Variants in KCNQ4 observed in about 807,000 individuals in gnomAD.
KCNQ4 encodes potassium voltage-gated channel subfamily KQT member 4.
In KCNQ4, 31 loss-of-function variants were observed where a neutral mutation model predicts 72.6. The observed-to-expected ratio is 0.43, with a 90% confidence interval of 0.32 to 0.58. KCNQ4 has a LOEUF of 0.58. Among genes scored for constraint, KCNQ4 ranks in the 20% least tolerant of loss-of-function variants. The probability of loss-of-function intolerance (pLI) is 0.08; values close to 1 mark genes in which losing one functional copy is unlikely to be tolerated. For synonymous variants in KCNQ4, 405 were observed against 403.7 expected (o/e 1.00, Z -0.04); for missense variants, 869 against 962.6 (o/e 0.90, Z 1.29).
chr1:40,834,263 A>G (rs1648744734), intron 11 of KCNQ4, among the ~76,000 whole-genome samples: 1 of 152,070 alleles, frequency 6.6e-6, no homozygotes, highest in South Asian at 2.1e-4. Flanking sequence ...TGGCACCACC[A>G]TCCACTTGGT....
chr1:40,790,020 G>T (rs1412439595), intron 1 of KCNQ4, among the ~76,000 whole-genome samples: 1 of 152,230 alleles, frequency 6.6e-6, no homozygotes, highest in Non-Finnish European at 1.5e-5. Flanking sequence ...TTTGCCCTGG[G>T]GGAAGCTCCT....
rs1371296507 is a variant in KCNQ4 at position 40,831,265 on chromosome 1, C to T, written c.1474C>T (p.Arg492Trp). The change falls in exon 10 of 14, where the codon CGG becomes TGG. Residue 492 changes from arginine (R) to tryptophan (W), a missense_variant. This residue lies in a region of KCNQ4 where 480 missense variants were observed against 501.9 expected (regional missense o/e 0.96). Coordinates refer to ENST00000347132, the MANE Select transcript of KCNQ4 (RefSeq NM_004700.4). ...GAGCTTCAATGACCGCACCCGCTTCCGGGCATCTCTGAGACTCAAACCCCG... is the reference window on the plus strand; with the variant it reads ...GAGCTTCAATGACCGCACCCGCTTCTGGGCATCTCTGAGACTCAAACCCCG... ...SWSFNDRTRF[R>W]ASLRLKPRTS... 6.2e-6 allele frequency: 10 copies of T among 1,606,526 alleles called. No individual in the cohort carries two copies. Among genetic ancestry groups the T allele is most frequent in the Admixed American group, 1.7e-5 (1 of 58,930 alleles).
chr1:40,785,236 C>T (rs1290513252), intron 1 of KCNQ4, among the ~76,000 whole-genome samples: 1 of 152,238 alleles, frequency 6.6e-6, no homozygotes, highest in Non-Finnish European at 1.5e-5. Context: ...AACACTGACC[C>T]CTCTTGGGTG....
chr1:40,823,061 C>T lies in KCNQ4; in HGVS notation c.1130+659C>T, dbSNP rs553462430. On this transcript the variant is annotated intron_variant, in intron 8 of 13. Coordinates refer to ENST00000347132, the MANE Select transcript of KCNQ4 (RefSeq NM_004700.4). ...AGCCCAGCTCGGTCCCACGGGCAGG[C>T]GGGCATCAAGCTTGTGGCTGGGGCA... 3.9e-5 allele frequency among the ~76,000 whole-genome samples: 6 copies of T among 152,356 alleles called. No individual in the cohort carries two copies. The South Asian group carries it at 8.3e-4, about 21-fold the overall frequency.
chr1:40,815,576 GT>G (rs1353380348), intron 1 of KCNQ4, among the ~76,000 whole-genome samples: 1 of 152,154 alleles, frequency 6.6e-6, no homozygotes. Context: ...CGTACCCCGT[GT>G]TTTTGCTGAC....
chr1:40,797,349 A>G (rs1049372387), intron 1 of KCNQ4, among the ~76,000 whole-genome samples: 2 of 152,264 alleles, frequency 1.3e-5, no homozygotes, highest in Non-Finnish European at 2.9e-5. Flanking sequence ...AGCAAGGAAC[A>G]GTGTTTCAGG....
At chr1:40,786,828 G>A (rs1034891619) in intron 1 of KCNQ4, among the ~76,000 whole-genome samples, 2 of 152,182 alleles carry the variant, frequency 1.3e-5, no homozygotes, top group African/African-American at 4.8e-5. Flanking sequence ...GGCTGGAGGA[G>A]GGGGCCCACA....
intron 1 of KCNQ4, among the ~76,000 whole-genome samples, chr1:40,809,471 A>T (rs1036759490): frequency 3.3e-5 from 5 of 152,112 alleles, no homozygotes; most frequent in Admixed American, 3.3e-4. Flanking sequence ...CCCCCGTCCC[A>T]TGAAGGCACT....
Position 40,838,425 on chromosome 1 carries a change from A to ATC in KCNQ4, c.1991_1992dup (p.Thr665SerfsTer77), listed in dbSNP as rs765842914. The ATC allele has an allele frequency of 2.5e-6, 4 of 1,614,104 alleles. No individual in the cohort carries two copies. Among genetic ancestry groups the ATC allele is most frequent in the Non-Finnish European group, 3.4e-6 (4 of 1,179,970 alleles). On this transcript the variant is annotated frameshift_variant, in exon 14 of 14. Transcript: ENST00000347132. LOFTEE classifies it high-confidence loss of function. Reference sequence around the variant, plus strand: ...GCAAGTGCCGCTGTTCGACCCCGACATCACCTCCGACTACCACAGCCCTGT... The same window carrying ATC: ...GCAAGTGCCGCTGTTCGACCCCGACATCTCACCTCCGACTACCACAGCCCTGT...
chr1:40,817,278 T>G lies in KCNQ4; in HGVS notation c.328T>G (p.Phe110Val), dbSNP rs748054545. ...TTGTAATTGCAGATTTTTGCTGGTC[T>G]TCAGCTGCCTGGTGCTGTCTGTGCT... is the stretch of plus-strand genomic sequence containing the variant. ...VYHVFIFLLV[F>V]SCLVLSVLST... Residue 110 changes from phenylalanine (F) to valine (V), a missense_variant, in exon 2 of 14, where the codon TTC (phenylalanine) becomes GTC (valine). Around this residue, in one of 5 missense-constraint regions of KCNQ4, gnomAD observed 178 missense variants for 145.3 expected, o/e 1.22. Transcript: ENST00000347132. This position sits in a 1 kb window ranked among gnomAD's most constrained non-coding sequence, Gnocchi z 5.5. The G allele has an allele frequency of 2.5e-6, 4 of 1,613,776 alleles. No individual in the cohort carries two copies. The highest frequency in any genetic ancestry group is 3.4e-6 in the Non-Finnish European group (4 of 1,179,834).
chr1:40,835,295 A>G lies in KCNQ4; in HGVS notation c.1745+197A>G, dbSNP rs144596114. On this transcript the variant is annotated intron_variant, in intron 12 of 13. Transcript: ENST00000347132. ...CGTCCCAAGGCTGAGAAACAACCCA[A>G]CCATAGTTTCTCTGTGAGGTGGGTC... Among the ~76,000 whole-genome samples the G allele has an allele frequency of 2.3e-3, 346 of 152,280 alleles. 1 individual carries two copies. Among genetic ancestry groups the G allele is most frequent in the Non-Finnish European group, 3.4e-3 (229 of 68,030 alleles).
chr1:40,838,585 T>C lies in KCNQ4; in HGVS notation c.*62T>C. The C allele has an allele frequency of 6.8e-7, 1 of 1,461,548 alleles. No homozygotes were observed. The highest frequency in any genetic ancestry group is 1.7e-5 in the Admixed American group (1 of 59,532). 90.5% of individuals were successfully genotyped at this position (1,461,548 alleles called of 1,614,324 possible). ...CCGCGGCCTGGCGCTCCGACTGCCC[T>C]CTGAGGCCTCCGGACTCCTCTCGTA... On this transcript the variant is annotated 3_prime_UTR_variant, in exon 14 of 14. Coordinates refer to ENST00000347132, the MANE Select transcript of KCNQ4 (RefSeq NM_004700.4).
At chr1:40,833,293 C>T (rs1648711328) in intron 11 of KCNQ4, among the ~76,000 whole-genome samples, 180 bp downstream of exon 11, 1 of 152,090 alleles carries the variant, frequency 6.6e-6, no homozygotes, top group Non-Finnish European at 1.5e-5. Context: ...GCCTGTAATC[C>T]CAGCTACTTG....
chr1:40,809,754 G>A (rs941946439), intron 1 of KCNQ4, among the ~76,000 whole-genome samples: 1 of 152,158 alleles, frequency 6.6e-6, no homozygotes, highest in Admixed American at 6.5e-5. Context: ...ATTGGACTGT[G>A]TCATTTCCTC....
In KCNQ4 at chr1:40,817,240, C is replaced by A; in HGVS notation, c.315-25C>A. 6.3e-7 allele frequency: 1 copy of A among 1,591,116 alleles called. No individual in the cohort carries two copies. Among genetic ancestry groups the A allele is most frequent in the Non-Finnish European group, 8.6e-7 (1 of 1,160,204 alleles). ...TGTCCTGTCCCTCCAACAATCTAACCCTCTCCCTCATGTTGTAATTGCAGA... is the reference window on the plus strand; with the variant it reads ...TGTCCTGTCCCTCCAACAATCTAACACTCTCCCTCATGTTGTAATTGCAGA... On this transcript the variant is annotated intron_variant, in intron 1 of 13. Transcript: ENST00000347132. The surrounding 1 kb of genome is among the most constrained non-coding windows in gnomAD (Gnocchi z 5.5).
chr1:40,789,629 G>A (rs551653226), intron 1 of KCNQ4, among the ~76,000 whole-genome samples: 1 of 152,038 alleles, frequency 6.6e-6, no homozygotes, highest in South Asian at 2.1e-4. Context: ...TCTCACTGAC[G>A]GCCCACCCCA....
At chr1:40,826,895 C>T (rs1056133159) in intron 9 of KCNQ4, among the ~76,000 whole-genome samples, 5 of 152,372 alleles carry the variant, frequency 3.3e-5, no homozygotes, top group Non-Finnish European at 2.9e-5. Flanking sequence ...AGGAGGGGCA[C>T]GTGCAGGAGC....
chr1:40,837,285 G>A (rs1231060607), intron 12 of KCNQ4, among the ~76,000 whole-genome samples: 1 of 152,064 alleles, frequency 6.6e-6, no homozygotes, highest in Non-Finnish European at 1.5e-5. Flanking sequence ...TAGAGAGGAG[G>A]GCTTGCTATG....
In KCNQ4 at chr1:40,784,135, G is replaced by T. The variant is rs749544977; in HGVS notation, c.42G>T (p.Pro14=). Residue 14 remains proline (P), a synonymous_variant, in exon 1 of 14, where the codon CCG becomes CCT. Transcript: ENST00000347132. The surrounding 1 kb of genome is among the most constrained non-coding windows in gnomAD (Gnocchi z 4.1). ...CGCGCCGCCTCGGCCTGGGTCCCCC[G>T]CCCGGGGACGCCCCCCGCGCGGAGC... The part of the protein sequence containing the change: ...APPRRLGLGP[P]PGDAPRAELV... The T allele has an allele frequency of 3.5e-5, 34 of 976,386 alleles. 1 individual carries two copies. The Middle Eastern group carries it at 1.4e-3, about 41-fold the overall frequency. The allele number at this position is 976,386 out of a possible 1,614,324, so 60.5% of individuals were successfully genotyped here.
Sources: gnomAD v4.1 joint callset for allele counts (sites outside exome capture counted in the v4.1 genomes callset) on GRCh38, gnomAD v4.1.1 for gene constraint, gnomAD v4.1.1 regional missense constraint, Gnocchi (gnomAD v3.1) non-coding constraint, MANE v1.5 for transcripts, NCBI Gene and HGNC (gene_info 2026-07-23, HGNC 2026-07-21) for gene names.